The following GADL1 variants were observed in gnomAD, a reference collection of about 807,000 sequenced individuals.
GADL1 encodes the protein GAD like acidic amino acid decarboxylase 1.
GADL1 carries 71 observed loss-of-function variants against 69.5 expected under a neutral mutation model. That is an observed-to-expected ratio of 1.02 (90% CI 0.84 to 1.25). The LOEUF is 1.25. Among genes scored for constraint, GADL1 ranks in the 50% most tolerant of loss-of-function variants. GADL1 has a pLI of 0.00. For synonymous variants in GADL1, 254 were observed against 214.4 expected, an observed-to-expected ratio of 1.18 and a Z score of -1.62; for missense variants, 737 against 631.8, an observed-to-expected ratio of 1.17 and a Z score of -1.79.
intron 8 of GADL1, among the ~76,000 whole-genome samples, chr3:30,839,456 C>T (rs927373883): frequency 7.3e-6 from 1 of 137,124 alleles, no homozygotes; most frequent in Middle Eastern, 4.0e-3. Context: ...TGTATGACTC[C>T]TAATTTCTTC....
intron 1 of GADL1, among the ~76,000 whole-genome samples, chr3:30,868,997 G>C (rs1698444325): frequency 6.6e-6 from 1 of 151,672 alleles, no homozygotes. Flanking sequence ...AGTCTGAGAA[G>C]CAAAGTTTAA....
At chr3:30,893,700 A>G (rs1575251228) in intron 1 of GADL1, among the ~76,000 whole-genome samples, 1 of 152,100 alleles carries the variant, frequency 6.6e-6, no homozygotes, top group Non-Finnish European at 1.5e-5. Context: ...AAAAGGTGAA[A>G]TATTTGTTTC....
chr3:30,737,333 G>A (rs1162480146), intron 14 of GADL1, among the ~76,000 whole-genome samples: 6 of 151,958 alleles, frequency 3.9e-5, no homozygotes, highest in Admixed American at 6.6e-5. Context: ...ATTTCCTCTC[G>A]CATTGCTTAT....
At position 30,727,168 on chromosome 3, in the gene GADL1, A is replaced by C. The variant is rs1238674570; in HGVS notation, c.*1074T>G. 1 of 94,226 alleles carries C rather than the reference A, an allele frequency of 1.1e-5. No homozygotes were observed. The highest frequency in any genetic ancestry group is 2.1e-5 in the Non-Finnish European group (1 of 47,760). 5.8% of individuals were successfully genotyped at this position (94,226 alleles called of 1,614,324 possible). On this transcript the variant is annotated 3_prime_UTR_variant, in exon 15 of 15. Coordinates refer to ENST00000282538, the MANE Select transcript of GADL1 (RefSeq NM_207359.3). ...ATGTATATATGTATATCACAGAAAC[A>C]TATATATTTCCCAAATTTTTCTTAA...
intron 14 of GADL1, among the ~76,000 whole-genome samples, chr3:30,766,093 T>G (rs1463364483): frequency 1.3e-5 from 2 of 152,112 alleles, no homozygotes; most frequent in African/African-American, 4.8e-5. Flanking sequence ...TAAATGATAT[T>G]GGTTAAAAGT....
chr3:30,772,033 A>G (rs1298310237), intron 14 of GADL1, among the ~76,000 whole-genome samples: 6 of 152,220 alleles, frequency 3.9e-5, no homozygotes, highest in Non-Finnish European at 8.8e-5. Context: ...CCACGGAAGC[A>G]CATCACCCTA....
chr3:30,833,546 A>C (rs1234388958), intron 11 of GADL1, among the ~76,000 whole-genome samples: 1 of 152,114 alleles, frequency 6.6e-6, no homozygotes, highest in Non-Finnish European at 1.5e-5. Flanking sequence ...AGGAGAAAAA[A>C]ATCTTGGCAA....
At chr3:30,762,699 C>T (rs795436) in intron 14 of GADL1, among the ~76,000 whole-genome samples, 66,092 of 151,768 alleles carry the variant, frequency 0.44, 14,390 homozygotes, top group Admixed American at 0.45. Flanking sequence ...TAATAGGTCT[C>T]CTTCATTCTT....
chr3:30,858,919 A>G (rs1575237612), intron 2 of GADL1, among the ~76,000 whole-genome samples: 1 of 151,870 alleles, frequency 6.6e-6, no homozygotes, highest in Admixed American at 6.6e-5. Context: ...AGGTAGGGAG[A>G]ATCCTAAGAG....
At chr3:30,755,133 CTA>C (rs1559488639) in intron 14 of GADL1, among the ~76,000 whole-genome samples, 2 of 152,016 alleles carry the variant, frequency 1.3e-5, no homozygotes, top group Non-Finnish European at 2.9e-5. Context: ...ACTTGGGACT[CTA>C]TAGTGAATGT....
intron 14 of GADL1, among the ~76,000 whole-genome samples, chr3:30,769,778 G>A (rs976112870): frequency 2.0e-5 from 3 of 152,182 alleles, no homozygotes; most frequent in Admixed American, 1.3e-4. Flanking sequence ...GACAGTATGA[G>A]ACCGTTATCT....
chr3:30,792,508 TGGAGG>T (rs1441377851), intron 12 of GADL1, among the ~76,000 whole-genome samples: 1 of 152,008 alleles, frequency 6.6e-6, no homozygotes, highest in Non-Finnish European at 1.5e-5. Flanking sequence ...GCCTGGGAGG[TGGAGG>T]TTGCAGTGAA....
chr3:30,750,158 CT>C (rs1695782362), intron 14 of GADL1, among the ~76,000 whole-genome samples: 1 of 152,170 alleles, frequency 6.6e-6, no homozygotes, highest in Admixed American at 6.5e-5. Context: ...ATTCCTCTCA[CT>C]CTTGCTCTGA....
chr3:30,731,922 T>C (rs1279234921), intron 14 of GADL1, among the ~76,000 whole-genome samples: 2 of 152,224 alleles, frequency 1.3e-5, no homozygotes, highest in Non-Finnish European at 2.9e-5. Flanking sequence ...GTAGTAGTTG[T>C]TGTTTTTAAC....
chr3:30,753,918 A>T (rs1695898946), intron 14 of GADL1, among the ~76,000 whole-genome samples: 1 of 152,180 alleles, frequency 6.6e-6, no homozygotes, highest in Admixed American at 6.6e-5. Context: ...ATGAATCCAG[A>T]AGAGGGAAGC....
At chr3:30,732,407 A>C (rs1695472042) in intron 14 of GADL1, among the ~76,000 whole-genome samples, 1 of 152,152 alleles carries the variant, frequency 6.6e-6, no homozygotes, top group South Asian at 2.1e-4. Flanking sequence ...AAGTGGAGGA[A>C]GATTCTGACA....
rs1697918212 is a variant in GADL1, at chr3:30,838,942, C to T, written c.903+55G>A. On this transcript the variant is annotated intron_variant, in intron 9 of 14. Transcript: ENST00000282538. The stretch of plus-strand genomic sequence containing the variant: ...TTCTGAGAATAAGAAAAATTTCTAC[C>T]AAGGCTACAAAAAGACCAAAGGTTA... 18 of 1,080,740 alleles carry T rather than the reference C, an allele frequency of 1.7e-5. 1 individual carries two copies. The South Asian group carries it at 2.8e-4, about 17-fold the overall frequency. The allele number at this position is 1,080,740 out of a possible 1,614,324, so 66.9% of individuals were successfully genotyped here.
rs1351178585 is a variant in GADL1, at chr3:30,726,214, T to C, written c.*2028A>G. On this transcript the variant is annotated 3_prime_UTR_variant, in exon 15 of 15. Coordinates refer to ENST00000282538, the MANE Select transcript of GADL1 (RefSeq NM_207359.3). ...GTCCACTCTTTGCTATAACTGCTTTTTCCATTTTATTCAAGGTGTTAACTA... is the reference window on the plus strand; with the variant it reads ...GTCCACTCTTTGCTATAACTGCTTTCTCCATTTTATTCAAGGTGTTAACTA... 1 of 152,170 alleles carries C rather than the reference T, an allele frequency of 6.6e-6. No homozygotes were observed. The highest frequency in any genetic ancestry group is 1.5e-5 in the Non-Finnish European group (1 of 68,028). 9.4% of individuals were successfully genotyped at this position (152,170 alleles called of 1,614,324 possible).
intron 11 of GADL1, among the ~76,000 whole-genome samples, chr3:30,807,735 T>C (rs904583558): frequency 5.3e-5 from 8 of 152,068 alleles, no homozygotes; most frequent in Admixed American, 1.3e-4. Flanking sequence ...CAGAGGACAA[T>C]AGTGAATGTG....
Sources: allele counts gnomAD v4.1 joint callset (sites outside exome capture counted in the v4.1 genomes callset), GRCh38; gene constraint gnomAD v4.1.1; transcripts MANE v1.5; gene names NCBI Gene and HGNC (gene_info 2026-07-23, HGNC 2026-07-21).